Variants in CFAP92 observed in about 807,000 individuals in gnomAD.
The protein encoded by CFAP92 is cilia and flagella associated protein 92 (putative), also known as uncharacterized protein CFAP92.
A neutral mutation model predicts 106.3 loss-of-function variants in CFAP92; 86 were observed. That is an observed-to-expected ratio of 0.81 (90% CI 0.68 to 0.97). CFAP92 has a LOEUF of 0.97. Ranked by LOEUF, CFAP92 falls within the 50% of genes least tolerant of loss-of-function variation. CFAP92 has a pLI of 0.00. For missense variants in CFAP92, 1,204 were observed against 1,283.8 expected, an observed-to-expected ratio of 0.94 and a Z score of 0.95; for synonymous variants, 477 against 506.4, an observed-to-expected ratio of 0.94 and a Z score of 0.78.
intron 9 of CFAP92, among the ~76,000 whole-genome samples, chr3:128,957,832 T>TG (rs58007320): frequency 7.3e-4 from 111 of 151,642 alleles, no homozygotes; most frequent in Admixed American, 1.6e-3. Context: ...CGCCATAAAC[T>TG]GGGGGGGGGC....
At chr3:128,928,980 A>G (rs6778057) in intron 12 of CFAP92, among the ~76,000 whole-genome samples, 20,024 of 152,168 alleles carry the variant, frequency 0.13, 2,103 homozygotes, top group African/African-American at 0.29. Context: ...ACAGATGGCC[A>G]GGCACAGTGA....
Position 128,958,421 on chromosome 3 carries a change from TAG to T in CFAP92, c.1353+7088_1353+7089del, listed in dbSNP as rs568511314. 6.5e-4 allele frequency among the ~76,000 whole-genome samples: 99 copies of T among 152,336 alleles called. 1 individual carries two copies. The highest frequency in any genetic ancestry group is 2.3e-3 in the African/African-American group (95 of 41,582). On this transcript the variant is annotated intron_variant, in intron 9 of 15. Coordinates refer to ENST00000645291, the MANE Select transcript of CFAP92 (RefSeq NM_001394090.1). The stretch of plus-strand genomic sequence containing the variant: ...AAATGGCACAGACCTATATACACAT[TAG>T]ACTCATGTCAATGTGCTGATTTTGA...
At chr3:128,931,239 T>G (rs141205429) in intron 12 of CFAP92, among the ~76,000 whole-genome samples, 80 of 152,202 alleles carry the variant, frequency 5.3e-4, no homozygotes, top group Middle Eastern at 3.4e-3. Flanking sequence ...CAGGCTGGAA[T>G]GTAATGGCGT....
intron 7 of CFAP92, 75 bp downstream of exon 7, chr3:128,975,704 C>A: frequency 2.5e-6 from 3 of 1,220,612 alleles, no homozygotes; most frequent in Non-Finnish European, 3.4e-6. Flanking sequence ...ATTGAAGTAT[C>A]CTGAATTTAA....
chr3:128,957,591 CAG>C (rs1941543382), intron 9 of CFAP92, among the ~76,000 whole-genome samples: 1 of 151,994 alleles, frequency 6.6e-6, no homozygotes, highest in Non-Finnish European at 1.5e-5. Flanking sequence ...AACAAAAAAA[CAG>C]AAGGAACAGA....
intron 6 of CFAP92, among the ~76,000 whole-genome samples, chr3:128,976,328 G>C (rs543950468): frequency 6.6e-6 from 1 of 152,232 alleles, no homozygotes; most frequent in East Asian, 1.9e-4. Context: ...GGACATAAGG[G>C]GGGTCTGAAC....
At chr3:129,017,095 C>T in the CFAP92 span, among the ~76,000 whole-genome samples, 1 of 152,250 alleles carries the variant, frequency 6.6e-6, no homozygotes, top group Non-Finnish European at 1.5e-5. Flanking sequence ...CCTCAGGCAT[C>T]ACTGCCATAT....
chr3:128,952,303 T>TTAAAAAA (rs1940893459), intron 9 of CFAP92, among the ~76,000 whole-genome samples: 1 of 150,954 alleles, frequency 6.6e-6, no homozygotes, highest in Non-Finnish European at 1.5e-5. Flanking sequence ...CTAATTAAAA[T>TTAAAAAA]AAAAATTAAG....
chr3:129,015,400 T>C, the CFAP92 span, among the ~76,000 whole-genome samples: 6,668 of 152,106 alleles, frequency 0.044, 193 homozygotes, highest in Non-Finnish European at 0.07. Context: ...TGTGATGACT[T>C]CATTGAGGTC....
chr3:129,023,907 C>A, the CFAP92 span, among the ~76,000 whole-genome samples: 2 of 152,294 alleles, frequency 1.3e-5, no homozygotes, highest in African/African-American at 4.8e-5. Flanking sequence ...GGCTCCAGAT[C>A]TAGTGCTCTT....
chr3:129,002,040 C>T (rs1243146849), intron 1 of CFAP92: 25 of 1,543,430 alleles, frequency 1.6e-5, no homozygotes, highest in Admixed American at 2.0e-5. Context: ...CGCCGAGCCG[C>T]CGGAGCTCAC....
At chr3:129,026,213 G>C in the CFAP92 span, among the ~76,000 whole-genome samples, 4 of 152,222 alleles carry the variant, frequency 2.6e-5, no homozygotes, top group African/African-American at 9.6e-5. Flanking sequence ...GGCTTTCTAA[G>C]ACACATGCAA....
chr3:128,960,221 T>C (rs1420873862), intron 9 of CFAP92, among the ~76,000 whole-genome samples: 2 of 152,252 alleles, frequency 1.3e-5, no homozygotes, highest in Non-Finnish European at 2.9e-5. Flanking sequence ...AAAGCCTGTT[T>C]GGTGGTCTCT....
chr3:128,935,366 G>T, intron 10 of CFAP92, 47 bp from the exon 11 acceptor site: 1 of 1,327,776 alleles, frequency 7.5e-7, no homozygotes, highest in Non-Finnish European at 1.0e-6. Context: ...GCAGCTTCCT[G>T]GGACACCGTG....
At position 128,915,107 on chromosome 3, in the gene CFAP92, C is replaced by G. The variant is rs914339624; in HGVS notation, c.3280+12G>C. 10 of 1,534,806 alleles carry G rather than the reference C, an allele frequency of 6.5e-6. No individual in the cohort carries two copies. The highest frequency in any genetic ancestry group is 7.9e-6 in the Non-Finnish European group (9 of 1,146,298). ...ATCAGGAGGCCCAGCTTGGCAAACCCTTGCCTGTTACCTGTTACAGGCTTT... is the reference window on the plus strand; with the variant it reads ...ATCAGGAGGCCCAGCTTGGCAAACCGTTGCCTGTTACCTGTTACAGGCTTT... On this transcript the variant is annotated intron_variant, in intron 15 of 15. Coordinates refer to ENST00000645291, the MANE Select transcript of CFAP92 (RefSeq NM_001394090.1).
At chr3:129,012,446 C>T in the CFAP92 span, among the ~76,000 whole-genome samples, 5 of 152,154 alleles carry the variant, frequency 3.3e-5, no homozygotes, top group Non-Finnish European at 5.9e-5. Context: ...CCTGGTTCTA[C>T]TCGCTCCTGC....
intron 7 of CFAP92, among the ~76,000 whole-genome samples, chr3:128,973,182 AAGAC>A (rs1401076925): frequency 6.6e-6 from 1 of 152,232 alleles, no homozygotes; most frequent in Non-Finnish European, 1.5e-5. Context: ...GCAGATCAGT[AAGAC>A]AATTTTTTTT....
intron 10 of CFAP92, among the ~76,000 whole-genome samples, chr3:128,941,797 T>C (rs1034093297): frequency 1.3e-5 from 2 of 152,180 alleles, no homozygotes; most frequent in Non-Finnish European, 2.9e-5. Flanking sequence ...ATTTAGATAA[T>C]ATATTATTTT....
chr3:128,993,587 C>T lies in CFAP92; in HGVS notation c.-32-251G>A, dbSNP rs76678530. 2,770 of 469,614 alleles carry T rather than the reference C, an allele frequency of 5.9e-3. 37 individuals carry two copies. Among genetic ancestry groups the T allele is most frequent in the African/African-American group, 0.034 (1,739 of 51,164 alleles). The allele number at this position is 469,614 out of a possible 1,614,324, so 29.1% of individuals were successfully genotyped here. A position where few individuals can be genotyped will look rare whatever the true frequency, so the allele number is the denominator to read the frequency against. The stretch of plus-strand genomic sequence containing the variant: ...CGACGACGAGCAACCCCGTTTCCTT[C>T]GCCTAACCAGGAGTCAGTCGCCGGG... On this transcript the variant is annotated intron_variant, in intron 1 of 15. Coordinates refer to ENST00000645291, the MANE Select transcript of CFAP92 (RefSeq NM_001394090.1).
Sources: gnomAD v4.1 joint callset for allele counts (sites outside exome capture counted in the v4.1 genomes callset) on GRCh38, gnomAD v4.1.1 for gene constraint, MANE v1.5 for transcripts, NCBI Gene and HGNC (gene_info 2026-07-23, HGNC 2026-07-21) for gene names.